The following PSAT1 variants were observed in gnomAD, a reference collection of about 807,000 sequenced individuals.
The protein encoded by PSAT1 is phosphoserine aminotransferase 1, also known as phosphoserine aminotransferase.
A neutral mutation model predicts 40.3 loss-of-function variants in PSAT1; 41 were observed. The ratio of observed to expected loss-of-function variants is 1.02; its 90% CI spans 0.79 to 1.32. The LOEUF is 1.32. PSAT1 is among the 40% of genes most tolerant of loss of function. PSAT1 has a pLI of 0.00. For missense variants in PSAT1, 406 were observed against 455.8 expected (o/e 0.89, Z 0.99); for synonymous variants, 147 against 170.5 (o/e 0.86, Z 1.07).
chr9:78,311,334 G>A (rs995746960), intron 6 of PSAT1, among the ~76,000 whole-genome samples: 5 of 152,274 alleles, frequency 3.3e-5, no homozygotes, highest in African/African-American at 9.6e-5. Context: ...CTGCCTTGCA[G>A]CTAGAGGAGG....
chr9:78,326,955 A>ATTTTTTTTTTTTTTTTTTTTTTTTT (rs1554688170), intron 7 of PSAT1, among the ~76,000 whole-genome samples: 1 of 75,966 alleles, frequency 1.3e-5, no homozygotes, highest in Non-Finnish European at 2.1e-5. Context: ...ATATATATAT[A>ATTTTTTTTTTTTTTTTTTTTTTTTT]TTTTTTTTTT....
intron 6 of PSAT1, among the ~76,000 whole-genome samples, chr9:78,314,743 CT>C (rs1828316074): frequency 6.6e-6 from 1 of 152,088 alleles, no homozygotes; most frequent in Non-Finnish European, 1.5e-5. Flanking sequence ...CAGCAGTCAG[CT>C]AGGGGTTCAG....
intron 1 of PSAT1, among the ~76,000 whole-genome samples, chr9:78,299,595 C>T (rs977719447): frequency 1.4e-5 from 2 of 139,230 alleles, no homozygotes; most frequent in African/African-American, 2.8e-5. Context: ...TCACTGAAAC[C>T]TCCGCCTCCC....
chr9:78,314,394 T>A, intron 6 of PSAT1, among the ~76,000 whole-genome samples: 1 of 104,220 alleles, frequency 9.6e-6, no homozygotes, highest in Non-Finnish European at 1.9e-5. Context: ...CTGTGTTAAG[T>A]AGAGCCACAG....
At position 78,317,773 on chromosome 9, in the gene PSAT1, G is replaced by T. The variant is rs2118681775; in HGVS notation, c.838G>T (p.Glu280Ter). The change falls in exon 7 of 9, where the codon GAG becomes TAG. Residue 280 changes from glutamate to a stop codon, truncating the protein, a stop_gained. Coordinates refer to ENST00000376588, the MANE Select transcript of PSAT1 (RefSeq NM_058179.4). LOFTEE classifies it high-confidence loss of function. ...LSSIKSQTIY[E>*]IIDNSQGFYV... ...CTCCATCAAATCTCAAACAATTTAT[G>T]AGATTATTGATAATTCTCAAGGATT... 1.2e-5 allele frequency: 19 copies of T among 1,613,312 alleles called. No individual in the cohort carries two copies. Among genetic ancestry groups the T allele is most frequent in the Non-Finnish European group, 1.4e-5 (17 of 1,179,794 alleles).
intron 7 of PSAT1, among the ~76,000 whole-genome samples, chr9:78,319,873 G>A (rs951863765): frequency 2.0e-5 from 3 of 152,084 alleles, no homozygotes; most frequent in African/African-American, 7.2e-5. Flanking sequence ...GCTGGGATTG[G>A]GAAGAAGGTC....
chr9:78,329,210 C>CT lies in PSAT1; in HGVS notation c.*130dup. The stretch of plus-strand genomic sequence containing the variant: ...ATGAACATGTTTATTGCAGATTCTT[C>CT]TTTTTTGAAAGAACAACAGCAAAAC... On this transcript the variant is annotated 3_prime_UTR_variant, in exon 9 of 9. Transcript: ENST00000376588. 1 of 743,896 alleles carries CT rather than the reference C, an allele frequency of 1.3e-6. No homozygotes were observed. 46.1% of individuals were successfully genotyped at this position (743,896 alleles called of 1,614,324 possible). A position where few individuals can be genotyped will look rare whatever the true frequency, so the allele number is the denominator to read the frequency against.
intron 6 of PSAT1, among the ~76,000 whole-genome samples, chr9:78,312,899 A>G (rs17064306): frequency 0.16 from 23,731 of 152,054 alleles, 1,965 homozygotes; most frequent in South Asian, 0.17. Context: ...CTCAGTGGCT[A>G]CATTCACCGA....
intron 7 of PSAT1, 61 bp downstream of exon 7, chr9:78,317,865 T>G: frequency 6.4e-7 from 1 of 1,553,016 alleles, no homozygotes; most frequent in Non-Finnish European, 8.9e-7. Context: ...GTGTATATAC[T>G]GTGTACCTTT....
intron 6 of PSAT1, among the ~76,000 whole-genome samples, 168 bp downstream of exon 6, chr9:78,308,751 C>T (rs1370190553): frequency 6.6e-6 from 1 of 152,080 alleles, no homozygotes; most frequent in African/African-American, 2.4e-5. Flanking sequence ...AGGTCAGGAG[C>T]TAGAGACTAG....
rs1196726330 is a variant in PSAT1, at chr9:78,329,276, T to C, written c.*190T>C. On this transcript the variant is annotated 3_prime_UTR_variant, in exon 9 of 9. Coordinates refer to ENST00000376588, the MANE Select transcript of PSAT1 (RefSeq NM_058179.4). Reference sequence around the variant, plus strand: ...AAGCTGGTGGGACCTAATGTCACCTTAATTCTGACTTGAACTGGAAGCATT... The same window carrying C: ...AAGCTGGTGGGACCTAATGTCACCTCAATTCTGACTTGAACTGGAAGCATT... 6.9e-6 allele frequency: 4 copies of C among 579,588 alleles called. No homozygotes were observed. Among genetic ancestry groups the C allele is most frequent in the Non-Finnish European group, 1.2e-5 (4 of 326,372 alleles). 35.9% of individuals were successfully genotyped at this position (579,588 alleles called of 1,614,324 possible). A position where few individuals can be genotyped will look rare whatever the true frequency, so the allele number is the denominator to read the frequency against.
chr9:78,304,725 T>G lies in PSAT1; in HGVS notation c.192-10T>G. The G allele has an allele frequency of 6.2e-7, 1 of 1,608,838 alleles. No individual in the cohort carries two copies. The highest frequency in any genetic ancestry group is 1.1e-5 in the South Asian group (1 of 90,978). On this transcript the variant is annotated splice_polypyrimidine_tract_variant and intron_variant, in intron 3 of 8. Coordinates refer to ENST00000376588, the MANE Select transcript of PSAT1 (RefSeq NM_058179.4). ...TTTATGTATTGACTGTTACCTATGC[T>G]TCTGCCCAGAGCTGTTCCAGACAAC...
intron 6 of PSAT1, among the ~76,000 whole-genome samples, chr9:78,316,883 G>A (rs1828353185): frequency 6.6e-6 from 1 of 152,186 alleles, no homozygotes; most frequent in Non-Finnish European, 1.5e-5. Flanking sequence ...TGGGCTTCTA[G>A]CCTTCCAAGA....
chr9:78,322,358 G>A (rs7047464), intron 7 of PSAT1, among the ~76,000 whole-genome samples: 2,973 of 152,230 alleles, frequency 0.02, 88 homozygotes, highest in African/African-American at 0.067. Context: ...ACCCTGTGAA[G>A]TAGACATTGA....
intron 6 of PSAT1, among the ~76,000 whole-genome samples, chr9:78,315,946 G>C (rs1828337233): frequency 6.6e-6 from 1 of 152,170 alleles, no homozygotes; most frequent in Admixed American, 6.5e-5. Flanking sequence ...ATTCCCATAG[G>C]GGATCTTTGA....
intron 4 of PSAT1, among the ~76,000 whole-genome samples, chr9:78,305,642 G>A (rs1368905976): frequency 6.6e-6 from 1 of 152,086 alleles, no homozygotes; most frequent in Non-Finnish European, 1.5e-5. Flanking sequence ...TGCCTTTATG[G>A]AGCATTCCCA....
chr9:78,301,598 G>A (rs1828108730), intron 2 of PSAT1, among the ~76,000 whole-genome samples: 1 of 152,178 alleles, frequency 6.6e-6, no homozygotes, highest in African/African-American at 2.4e-5. Flanking sequence ...ATCACAGCAT[G>A]GAATTTTGTG....
intron 3 of PSAT1, among the ~76,000 whole-genome samples, chr9:78,304,171 A>G (rs1322289395): frequency 6.6e-6 from 1 of 152,200 alleles, no homozygotes; most frequent in African/African-American, 2.4e-5. Context: ...CTAACAGATA[A>G]ATGCAGGAGA....
chr9:78,314,900 A>G (rs1030424431), intron 6 of PSAT1, among the ~76,000 whole-genome samples: 3 of 152,014 alleles, frequency 2.0e-5, no homozygotes, highest in Admixed American at 6.5e-5. Context: ...GGCAAAAGGG[A>G]AGCTTGGTCA....
Sources: gnomAD v4.1 joint callset for allele counts (sites outside exome capture counted in the v4.1 genomes callset) on GRCh38, gnomAD v4.1.1 for gene constraint, MANE v1.5 for transcripts, NCBI Gene and HGNC (gene_info 2026-07-23, HGNC 2026-07-21) for gene names.